Variants in IP6K3 observed in about 807,000 individuals in gnomAD.
The protein encoded by IP6K3 is inositol hexakisphosphate kinase 3.
Under a neutral mutation model 28.8 loss-of-function variants are expected in IP6K3, and 20 were observed. The ratio of observed to expected loss-of-function variants is 0.70; its 90% confidence interval spans 0.49 to 1.01. The LOEUF is 1.01. IP6K3 is among the 50% of genes least tolerant of loss of function. The probability of loss-of-function intolerance (pLI) is 0.00; values close to 1 mark genes in which losing one functional copy is unlikely to be tolerated. For synonymous variants in IP6K3, 213 were observed against 221.3 expected (o/e 0.96, Z 0.33); for missense variants, 480 against 537.1 (o/e 0.89, Z 1.05).
chr6:33,728,182 T>C lies in IP6K3; in HGVS notation c.318A>G (p.Ile106Met), dbSNP rs779652828. ...KVSTESAAVAIWQTLQQTTGS... is the reference protein window; with the variant it reads ...KVSTESAAVAMWQTLQQTTGS... ...CGGTGGTCTGCTGGAGCGTCTGCCATATGGCCACCGCCGCCGACTCTGTGG... is the reference window on the plus strand; with the variant it reads ...CGGTGGTCTGCTGGAGCGTCTGCCACATGGCCACCGCCGCCGACTCTGTGG... Residue 106 changes from isoleucine to methionine, a missense_variant, in exon 3 of 6, where the codon ATA becomes ATG. Ile to Met is a conservative substitution (Grantham distance 10, BLOSUM62 1). Coordinates refer to ENST00000293756, the MANE Select transcript of IP6K3 (RefSeq NM_054111.5). 9.3e-6 allele frequency: 15 copies of C among 1,613,738 alleles called. No individual in the cohort carries two copies. In the South Asian group the frequency reaches 1.3e-4, roughly 14 times the overall value.
chr6:33,759,278 T>G, the IP6K3 span, among the ~76,000 whole-genome samples: 1 of 152,188 alleles, frequency 6.6e-6, no homozygotes, highest in African/African-American at 2.4e-5. Context: ...TATGTCCATG[T>G]CACTTTTTTC....
chr6:33,734,092 A>G (rs1040169321), intron 2 of IP6K3, among the ~76,000 whole-genome samples: 9 of 150,844 alleles, frequency 6.0e-5, no homozygotes, highest in African/African-American at 2.0e-4. Flanking sequence ...AATCCCAGTT[A>G]CTCCGGAGGC....
Position 33,742,093 on chromosome 6 carries a change from A to G in IP6K3, c.-180+4665T>C, listed in dbSNP as rs1227850743. Among the ~76,000 whole-genome samples the G allele has an allele frequency of 1.3e-5, 2 of 152,206 alleles. No homozygotes were observed. Among genetic ancestry groups the G allele is most frequent in the Non-Finnish European group, 2.9e-5 (2 of 68,028 alleles). On this transcript the variant is annotated intron_variant, in intron 1 of 5. Transcript: ENST00000293756. The surrounding 1 kb of genome is among the most constrained non-coding windows in gnomAD (Gnocchi z 4.5). ...TCAACTCTGGACCCCTGGCTTTACA[A>G]TCACACCTCTGTGTCTCCAGCTAGG...
chr6:33,722,696 G>A lies in IP6K3; in HGVS notation c.*24C>T. The A allele has an allele frequency of 6.6e-7, 1 of 1,513,740 alleles. No homozygotes were observed. Among genetic ancestry groups the A allele is most frequent in the Non-Finnish European group, 9.1e-7 (1 of 1,103,454 alleles). 93.8% of individuals were successfully genotyped at this position (1,513,740 alleles called of 1,614,324 possible). ...TCTATTTGAGATCTATAGCCCAGAA[G>A]AATCCAGATAAGCCCAGGAAGTTTC... On this transcript the variant is annotated 3_prime_UTR_variant, in exon 6 of 6. Transcript: ENST00000293756.
At chr6:33,731,142 C>T (rs187529847) in intron 2 of IP6K3, among the ~76,000 whole-genome samples, 1 of 152,234 alleles carries the variant, frequency 6.6e-6, no homozygotes, top group Non-Finnish European at 1.5e-5. Flanking sequence ...GAGCCAGCAG[C>T]CTCGTGCAGT....
In IP6K3 at chr6:33,722,672, CTATT is replaced by C; in HGVS notation, c.*44_*47del. ...GACTACCCTAGCAACCAACAGGTCT[CTATT>C]TGAGATCTATAGCCCAGAAGAATCC... On this transcript the variant is annotated 3_prime_UTR_variant, in exon 6 of 6. Transcript: ENST00000293756. The C allele has an allele frequency of 1.5e-6, 2 of 1,334,658 alleles. No homozygotes were observed. Among genetic ancestry groups the C allele is most frequent in the Non-Finnish European group, 2.1e-6 (2 of 953,568 alleles). 82.7% of individuals were successfully genotyped at this position (1,334,658 alleles called of 1,614,324 possible). A position where few individuals can be genotyped will look rare whatever the true frequency, so the allele number is the denominator to read the frequency against.
At chr6:33,748,559 A>G (rs1766972445), upstream of IP6K3, among the ~76,000 whole-genome samples, 2 of 144,710 alleles carry the variant, frequency 1.4e-5, no homozygotes, top group Admixed American at 1.5e-4. Context: ...GGAATGCTTG[A>G]GCTCAGAAGG....
upstream of IP6K3, among the ~76,000 whole-genome samples, chr6:33,750,166 A>G (rs147669214): frequency 4.7e-3 from 722 of 152,126 alleles, 7 homozygotes; most frequent in South Asian, 0.014. This position sits in a 1 kb window ranked among gnomAD's most constrained non-coding sequence, Gnocchi z 4.3. Flanking sequence ...CTCCATCTCT[A>G]TGGCCCTGGC....
rs778318657 is a variant in IP6K3 at position 33,728,084 on chromosome 6, C to T, written c.413+3G>A. 6 of 1,602,406 alleles carry T rather than the reference C, an allele frequency of 3.7e-6. No homozygotes were observed. Among genetic ancestry groups the T allele is most frequent in the Admixed American group, 3.3e-5 (2 of 60,008 alleles). On this transcript the variant is annotated splice_donor_region_variant and intron_variant, in intron 3 of 5. Coordinates refer to ENST00000293756, the MANE Select transcript of IP6K3 (RefSeq NM_054111.5). The stretch of plus-strand genomic sequence containing the variant: ...TTTCTGTCATCCTGCCCAGTGCCCT[C>T]ACCTCTCCTTGGGTGAGCGTGCCAG...
At chr6:33,737,267 G>T (rs745408855) in intron 1 of IP6K3, among the ~76,000 whole-genome samples, 2 of 152,190 alleles carry the variant, frequency 1.3e-5, no homozygotes, top group African/African-American at 2.4e-5. Flanking sequence ...CACTGCAAGG[G>T]GAGGCTCTTC....
At chr6:33,754,566 C>T in the IP6K3 span, among the ~76,000 whole-genome samples, 73 of 152,166 alleles carry the variant, frequency 4.8e-4, no homozygotes, top group Admixed American at 8.5e-4. Flanking sequence ...GCTGGGCTGG[C>T]GGGGCTGAAG....
Position 33,722,062 on chromosome 6 carries a change from A to C in IP6K3, c.*658T>G, listed in dbSNP as rs978909853. The stretch of plus-strand genomic sequence containing the variant: ...GATTTTGGGGGAAAAAAAGGAAAAA[A>C]AAGCCTGTAAAGGGACCCTCCTTTC... On this transcript the variant is annotated 3_prime_UTR_variant, in exon 6 of 6. Coordinates refer to ENST00000293756, the MANE Select transcript of IP6K3 (RefSeq NM_054111.5). 2.6e-5 allele frequency: 4 copies of C among 152,176 alleles called. No individual in the cohort carries two copies. The highest frequency in any genetic ancestry group is 9.6e-5 in the African/African-American group (4 of 41,456). The allele number at this position is 152,176 out of a possible 1,614,324, so 9.4% of individuals were successfully genotyped here.
chr6:33,722,511 T>G lies in IP6K3; in HGVS notation c.*209A>C. ...GCTGTCTGTTCTCCGATGAGCAGCATTAGAGCATAATGCCAGGGGATGTGG... is the reference window on the plus strand; with the variant it reads ...GCTGTCTGTTCTCCGATGAGCAGCAGTAGAGCATAATGCCAGGGGATGTGG... On this transcript the variant is annotated 3_prime_UTR_variant, in exon 6 of 6. Transcript: ENST00000293756. The G allele has an allele frequency of 1.1e-5, 5 of 469,024 alleles. No homozygotes were observed. Among genetic ancestry groups the G allele is most frequent in the South Asian group, 3.2e-5 (1 of 30,772 alleles). The allele number at this position is 469,024 out of a possible 1,614,324, so 29.1% of individuals were successfully genotyped here. A position where few individuals can be genotyped will look rare whatever the true frequency, so the allele number is the denominator to read the frequency against.
the IP6K3 span, among the ~76,000 whole-genome samples, chr6:33,755,674 C>T: frequency 2.6e-5 from 4 of 152,234 alleles, no homozygotes; most frequent in African/African-American, 9.6e-5. Context: ...GCCTGCCACA[C>T]CCACTGGGGG....
At chr6:33,736,529 C>T (rs1161098359) in intron 1 of IP6K3, among the ~76,000 whole-genome samples, 10 of 152,266 alleles carry the variant, frequency 6.6e-5, no homozygotes, top group Middle Eastern at 3.4e-3. Context: ...CTCAGGCTCC[C>T]GAGCAGCTGG....
chr6:33,756,100 G>A, the IP6K3 span, among the ~76,000 whole-genome samples: 1 of 152,170 alleles, frequency 6.6e-6, no homozygotes, highest in African/African-American at 2.4e-5. Context: ...CTGACCTCAG[G>A]TGATCCACCT....
chr6:33,758,485 C>T, the IP6K3 span, among the ~76,000 whole-genome samples: 2 of 152,178 alleles, frequency 1.3e-5, no homozygotes, highest in African/African-American at 4.8e-5. Flanking sequence ...ATGATGGCAC[C>T]ACTGCACTCC....
At chr6:33,730,251 G>A (rs747667762) in intron 2 of IP6K3, among the ~76,000 whole-genome samples, 11 of 152,188 alleles carry the variant, frequency 7.2e-5, no homozygotes, top group African/African-American at 2.7e-4. Context: ...GCTGGTCAGC[G>A]TGGACACTCG....
At chr6:33,726,292 C>A (rs979681371) in intron 4 of IP6K3, among the ~76,000 whole-genome samples, 1 of 152,210 alleles carries the variant, frequency 6.6e-6, no homozygotes, top group Non-Finnish European at 1.5e-5. Flanking sequence ...GTGTGGGCCC[C>A]ATGGGAAGAC....
Sources: allele counts gnomAD v4.1 joint callset (sites outside exome capture counted in the v4.1 genomes callset), GRCh38; gene constraint gnomAD v4.1.1; non-coding constraint Gnocchi (gnomAD v3.1); transcripts MANE v1.5; gene names NCBI Gene and HGNC (gene_info 2026-07-23, HGNC 2026-07-21).